Variants in SPTBN2 observed in about 807,000 individuals in gnomAD.
SPTBN2 encodes the protein spectrin beta, non-erythrocytic 2.
SPTBN2 carries 107 observed loss-of-function variants against 284.2 expected under a neutral mutation model. The observed-to-expected ratio is 0.38, with a 90% CI of 0.32 to 0.44. SPTBN2 has a LOEUF of 0.44. Ranked by LOEUF, SPTBN2 falls within the 20% of genes least tolerant of loss-of-function variation. SPTBN2 has a pLI of 1.00. For missense variants in SPTBN2, 2,569 were observed against 3,287.1 expected, an observed-to-expected ratio of 0.78 and a Z score of 5.34; for synonymous variants, 1,289 against 1,354.8, an observed-to-expected ratio of 0.95 and a Z score of 1.07.
At chr11:66,712,023 G>C (rs1398197233) in intron 8 of SPTBN2, among the ~76,000 whole-genome samples, 1 of 152,168 alleles carries the variant, frequency 6.6e-6, no homozygotes, top group Non-Finnish European at 1.5e-5. Context: ...CCCTGTTCTG[G>C]TTGCACCAAG....
At chr11:66,722,384 G>A (rs1452452406) in intron 1 of SPTBN2, among the ~76,000 whole-genome samples, 1 of 151,716 alleles carries the variant, frequency 6.6e-6, no homozygotes, top group African/African-American at 2.4e-5. Flanking sequence ...ACCATCCCTG[G>A]CTAACACGGT....
chr11:66,694,984 G>T (rs1239723549), intron 21 of SPTBN2, among the ~76,000 whole-genome samples: 1 of 152,198 alleles, frequency 6.6e-6, no homozygotes, highest in African/African-American at 2.4e-5. Flanking sequence ...CTGCACTCTA[G>T]TGGCCACTTC....
At chr11:66,741,995 A>AT (rs1445054165) in intron 1 of SPTBN2, among the ~76,000 whole-genome samples, 4 of 151,984 alleles carry the variant, frequency 2.6e-5, no homozygotes, top group South Asian at 2.1e-4. Context: ...TAATTTTTAA[A>AT]TTTTTTTGTA....
chr11:66,701,978 A>G (rs112861009), intron 15 of SPTBN2, among the ~76,000 whole-genome samples: 15 of 152,344 alleles, frequency 9.8e-5, no homozygotes, highest in African/African-American at 3.6e-4. Context: ...AAGGTCAGGA[A>G]CAGACACACA....
At position 66,714,395 on chromosome 11, in the gene SPTBN2, T is replaced by C; in HGVS notation, c.496A>G (p.Ser166Gly). Residue 166 changes from serine to glycine, a missense_variant, in exon 6 of 38, where the codon AGT (serine) becomes GGT (glycine). Transcript: ENST00000533211. ...IILRFQIQDI[S>G]VETEDNKEKK... ...TCCTTGTTGTCTTCTGTCTCCACAC[T>C]GATGTCTTGGATCTAGGAAGGAAGC... 6.2e-7 allele frequency: 1 copy of C among 1,613,950 alleles called. No homozygotes were observed. Among genetic ancestry groups the C allele is most frequent in the Non-Finnish European group, 8.5e-7 (1 of 1,179,930 alleles).
Position 66,723,992 on chromosome 11 carries a change from C to CT in SPTBN2, c.-113-2553dup, listed in dbSNP as rs528497301. The stretch of plus-strand genomic sequence containing the variant: ...GCACTCAAACTCTCTCTGCACAGAC[C>CT]TGCCCACAAAAATGCCTACACCCAA... On this transcript the variant is annotated intron_variant, in intron 1 of 37. Transcript: ENST00000533211. Among the ~76,000 whole-genome samples the CT allele has an allele frequency of 7.4e-4, 113 of 152,316 alleles. 4 individuals carry two copies. The South Asian group carries it at 0.022, about 30-fold the overall frequency.
At position 66,700,913 on chromosome 11, in the gene SPTBN2, C is replaced by T. The variant is rs753066694; in HGVS notation, c.3186G>A (p.Gly1062=). 7 of 1,601,538 alleles carry T rather than the reference C, an allele frequency of 4.4e-6. No homozygotes were observed. The highest frequency in any genetic ancestry group is 3.3e-5 in the Admixed American group (2 of 59,998). ...ATMRRREESL[G]EARRLQDFLR... ...AGAAGTCCTGCAGCCGCCGCGCCTC[C>T]CCCAGCGACTCTTCTCGACGCCGCA... The change falls in exon 17 of 38, where the codon GGG becomes GGA. Residue 1062 remains glycine (G), a synonymous_variant. Transcript: ENST00000533211. This position sits in a 1 kb window ranked among gnomAD's most constrained non-coding sequence, Gnocchi z 6.6.
At chr11:66,711,095 C>G (rs929985733) in intron 8 of SPTBN2, 66 bp from the exon 9 acceptor site, 180 of 1,366,668 alleles carry the variant, frequency 1.3e-4, no homozygotes, top group Admixed American at 6.8e-5. Flanking sequence ...TCACTTACCC[C>G]AAACCCTGGG....
At chr11:66,698,587 C>T in intron 20 of SPTBN2, 52 bp downstream of exon 20, 2 of 1,613,416 alleles carry the variant, frequency 1.2e-6, no homozygotes, top group Non-Finnish European at 1.7e-6. Context: ...CCAGGCCCTC[C>T]CCCGTACCAT....
chr11:66,742,883 T>C (rs1339723003), intron 1 of SPTBN2, among the ~76,000 whole-genome samples: 1 of 152,238 alleles, frequency 6.6e-6, no homozygotes, highest in Non-Finnish European at 1.5e-5. Context: ...GTGTTGGGAT[T>C]ACAGGCGTGA....
At position 66,685,732 on chromosome 11, in the gene SPTBN2, A is replaced by T; in HGVS notation, c.*139T>A. 1.3e-6 allele frequency: 1 copy of T among 777,858 alleles called. No homozygotes were observed. The highest frequency in any genetic ancestry group is 2.2e-6 in the Non-Finnish European group (1 of 453,852). The allele number at this position is 777,858 out of a possible 1,614,324, so 48.2% of individuals were successfully genotyped here. A position where few individuals can be genotyped will look rare whatever the true frequency, so the allele number is the denominator to read the frequency against. ...TGGGAACATGGACTCGTCCCCAGTG[A>T]CAGTTCCTGGTGATGGGTTGACCTT... On this transcript the variant is annotated 3_prime_UTR_variant, in exon 38 of 38. Transcript: ENST00000533211. The surrounding 1 kb of genome is among the most constrained non-coding windows in gnomAD (Gnocchi z 4.4).
At position 66,705,304 on chromosome 11, in the gene SPTBN2, G is replaced by T; in HGVS notation, c.1972C>A (p.Arg658=). The T allele has an allele frequency of 6.2e-7, 1 of 1,605,340 alleles. No homozygotes were observed. ...WEVGEAEAWV[R]EQQHLLASAD... is the part of the protein sequence containing the mutation. ...GAGGCCAGGAGGTGCTGCTGCTCCC[G>T]CACCCAGGCCTCAGCTTCACCCACC... The change falls in exon 15 of 38, where the codon CGG becomes AGG. Residue 658 remains arginine, a synonymous_variant. Coordinates refer to ENST00000533211, the MANE Select transcript of SPTBN2 (RefSeq NM_006946.4).
In SPTBN2 at chr11:66,707,532, C is replaced by T; in HGVS notation, c.1637G>A (p.Trp546Ter). 6.2e-7 allele frequency: 1 copy of T among 1,607,174 alleles called. No individual in the cohort carries two copies. Reference protein sequence around the residue: ...VFQDLLYLMDWMEEMKGRLQS... With the variant: ...VFQDLLYLMD Reference sequence around the variant, plus strand: ...CACTGGTACCTTCATCTCTTCCATCCAGTCCATGAGGTAGAGCAGGTCCTG... The same window carrying T: ...CACTGGTACCTTCATCTCTTCCATCTAGTCCATGAGGTAGAGCAGGTCCTG... The change falls in exon 13 of 38, where the codon TGG (tryptophan) becomes TAG (stop). Residue 546 changes from tryptophan to a stop codon, truncating the protein, a stop_gained. Coordinates refer to ENST00000533211, the MANE Select transcript of SPTBN2 (RefSeq NM_006946.4). LOFTEE classifies it high-confidence loss of function. This position sits in a 1 kb window ranked among gnomAD's most constrained non-coding sequence, Gnocchi z 4.9.
rs1305638152 is a variant in SPTBN2, at chr11:66,705,099, T to C, written c.2177A>G (p.Gln726Arg). Residue 726 changes from glutamine to arginine, a missense_variant, in exon 15 of 38, where the codon CAA becomes CGA. Around this residue, in one of 6 missense-constraint regions of SPTBN2, gnomAD observed 1,012 missense variants for 1,248.9 expected, o/e 0.81. Coordinates refer to ENST00000533211, the MANE Select transcript of SPTBN2 (RefSeq NM_006946.4). ...GGCCTCTAGCCGCTCCCACTGGGCT[T>C]GGAGTTCAGCTGCACGGGCAGAGGC... ...SQASARAAELQAQWERLEALA... is the reference protein window; with the variant it reads ...SQASARAAELRAQWERLEALA... 1.9e-6 allele frequency: 3 copies of C among 1,565,132 alleles called. No individual in the cohort carries two copies. Among genetic ancestry groups the C allele is most frequent in the Non-Finnish European group, 2.6e-6 (3 of 1,161,524 alleles).
rs1239674544 is a variant in SPTBN2 at position 66,682,643 on chromosome 11, TG to T, written c.*3227del. On this transcript the variant is annotated 3_prime_UTR_variant, in exon 38 of 38. Transcript: ENST00000533211. ...TGGTGTTTCAGAGTCATGACACACTTGGTTTGGCTACATCTCAGTAGCCACA... is the reference window on the plus strand; with the variant it reads ...TGGTGTTTCAGAGTCATGACACACTTGTTTGGCTACATCTCAGTAGCCACA... Among the ~76,000 whole-genome samples the T allele has an allele frequency of 6.6e-6, 1 of 152,216 alleles. No individual in the cohort carries two copies. The highest frequency in any genetic ancestry group is 1.5e-5 in the Non-Finnish European group (1 of 68,042).
At position 66,709,259 on chromosome 11, in the gene SPTBN2, C is replaced by T. The variant is rs645307; in HGVS notation, c.1074-240G>A. ...GTGGTGCGATCTGGGTTCGCTGCAA[C>T]CTCTGCCTCCCGGGTTCAAGCCAAT... On this transcript the variant is annotated intron_variant, in intron 10 of 37. Transcript: ENST00000533211. Among the ~76,000 whole-genome samples the T allele has an allele frequency of 0.05, 7,653 of 152,204 alleles. 318 individuals are homozygous for T. The highest frequency in any genetic ancestry group is 0.11 in the East Asian group (593 of 5,178).
At chr11:66,714,020 C>T (rs1942016123) in intron 7 of SPTBN2, 71 bp downstream of exon 7, 1 of 1,484,184 alleles carries the variant, frequency 6.7e-7, no homozygotes, top group East Asian at 2.3e-5. Flanking sequence ...TCATCTCTGT[C>T]TCCACATGTG....
chr11:66,734,210 T>G (rs1448334549), upstream of SPTBN2, among the ~76,000 whole-genome samples: 1 of 151,968 alleles, frequency 6.6e-6, no homozygotes, highest in Non-Finnish European at 1.5e-5. Flanking sequence ...CTTAATTTTG[T>G]TATTGATGGT....
At position 66,715,532 on chromosome 11, in the gene SPTBN2, G is replaced by A. The variant is rs1314175355; in HGVS notation, c.310-137C>T. On this transcript the variant is annotated intron_variant, in intron 4 of 37. Coordinates refer to ENST00000533211, the MANE Select transcript of SPTBN2 (RefSeq NM_006946.4). The surrounding 1 kb of genome is among the most constrained non-coding windows in gnomAD (Gnocchi z 5.3). ...AGACAGGCACAGCCCCAGGGCTGGA[G>A]CCAAAGCTGAGCTTACAGATGAGGC... 1.6e-6 allele frequency: 2 copies of A among 1,239,406 alleles called. No individual in the cohort carries two copies. Among genetic ancestry groups the A allele is most frequent in the African/African-American group, 1.5e-5 (1 of 66,146 alleles). 76.8% of individuals were successfully genotyped at this position (1,239,406 alleles called of 1,614,324 possible).
Sources: gnomAD v4.1 joint callset for allele counts (sites outside exome capture counted in the v4.1 genomes callset) on GRCh38, gnomAD v4.1.1 for gene constraint, gnomAD v4.1.1 regional missense constraint, Gnocchi (gnomAD v3.1) non-coding constraint, MANE v1.5 for transcripts, NCBI Gene and HGNC (gene_info 2026-07-23, HGNC 2026-07-21) for gene names.